The following SLC25A41 variants were observed in gnomAD, a reference collection of about 807,000 sequenced individuals.
SLC25A41 encodes the protein solute carrier family 25 member 41.
Under a neutral mutation model 34.7 loss-of-function variants are expected in SLC25A41, and 35 were observed. That is an observed-to-expected ratio of 1.01 (90% confidence interval 0.77 to 1.34). SLC25A41 has a LOEUF of 1.34. SLC25A41 is among the 40% of genes most tolerant of loss of function. The pLI is 0.00. For missense variants in SLC25A41, 492 were observed against 489.8 expected (o/e 1.00, Z -0.04); for synonymous variants, 190 against 209.9 (o/e 0.91, Z 0.82).
chr19:6,432,184 C>T lies in SLC25A41; in HGVS notation c.228G>A (p.Gln76=). 6.2e-7 allele frequency: 1 copy of T among 1,613,810 alleles called. No homozygotes were observed. Among genetic ancestry groups the T allele is most frequent in the Non-Finnish European group, 8.5e-7 (1 of 1,179,768 alleles). Residue 76 remains glutamine (Q), a synonymous_variant, in exon 2 of 7, where the codon CAG becomes CAA. Coordinates refer to ENST00000321510, the MANE Select transcript of SLC25A41 (RefSeq NM_173637.4). ...PSQQVLDTGE[Q]LMVPVEVLEV... ...CCAGGACTTCCACGGGGACCATCAG[C>T]TGCTCTCCTGTGTCCAGTACCTGCA...
chr19:6,430,546 CG>C (rs1380114027), intron 2 of SLC25A41: 2 of 377,642 alleles, frequency 5.3e-6, no homozygotes, highest in Non-Finnish European at 1.0e-5. Context: ...GGAGTGCGGT[CG>C]GGGGATCTCG....
At chr19:6,431,747 C>T (rs1187505414) in intron 2 of SLC25A41, among the ~76,000 whole-genome samples, 2 of 152,188 alleles carry the variant, frequency 1.3e-5, no homozygotes, top group East Asian at 1.9e-4. Flanking sequence ...CTGGCCCCTA[C>T]CTTGTCTTTA....
In SLC25A41 at chr19:6,426,458, C is replaced by A. The variant is rs1224724120; in HGVS notation, c.1044G>T (p.Leu348=). The A allele has an allele frequency of 6.2e-7, 1 of 1,613,718 alleles. No homozygotes were observed. Among genetic ancestry groups the A allele is most frequent in the East Asian group, 2.2e-5 (1 of 44,898 alleles). The change falls in exon 7 of 7, where the codon CTG becomes CTT. Residue 348 remains leucine, a synonymous_variant. Coordinates refer to ENST00000321510, the MANE Select transcript of SLC25A41 (RefSeq NM_173637.4). The stretch of plus-strand genomic sequence containing the variant: ...TGATGCCACCTGCTGGTAAGACCTT[C>A]AGTAGCGTGGGGGTCATGCCTCGGT... The part of the protein sequence containing the change: ...GLYRGMTPTL[L]KVLPAGGISY...
At chr19:6,431,001 AGATG>A (rs2092283378) in intron 2 of SLC25A41, among the ~76,000 whole-genome samples, 1 of 151,610 alleles carries the variant, frequency 6.6e-6, no homozygotes, top group Non-Finnish European at 1.5e-5. Context: ...TTTTTTGTAT[AGATG>A]GGGTCTTACT....
intron 2 of SLC25A41, among the ~76,000 whole-genome samples, chr19:6,431,351 C>A (rs896287114): frequency 6.6e-6 from 1 of 151,988 alleles, no homozygotes; most frequent in African/African-American, 2.4e-5. Flanking sequence ...TGGGCTCAAG[C>A]AATCCTCCTG....
At chr19:6,434,073 A>G (rs564762616), upstream of SLC25A41, among the ~76,000 whole-genome samples, 1 of 152,226 alleles carries the variant, frequency 6.6e-6, no homozygotes, top group East Asian at 1.9e-4. Context: ...CCTCCCGAGT[A>G]GCTGGGACTA....
At chr19:6,429,190 T>C (rs1481820721) in intron 4 of SLC25A41, among the ~76,000 whole-genome samples, 1 of 81,476 alleles carries the variant, frequency 1.2e-5, no homozygotes, top group East Asian at 3.5e-4. Context: ...ATATATGTTA[T>C]ATATATAATA....
intron 4 of SLC25A41, among the ~76,000 whole-genome samples, chr19:6,428,664 AATAAGTAAGGTAT>A (rs1380986245): frequency 6.8e-6 from 1 of 146,330 alleles, no homozygotes; most frequent in African/African-American, 2.5e-5. Flanking sequence ...ATATTTACAT[AATAAGTAAGGTAT>A]ATAATATATG....
intron 1 of SLC25A41, 26 bp from the exon 2 acceptor site, chr19:6,432,230 C>A: frequency 6.2e-7 from 1 of 1,604,030 alleles, no homozygotes; most frequent in South Asian, 1.1e-5. Flanking sequence ...GGCCCTCCCT[C>A]ATCCTCAGCC....
chr19:6,433,422 G>A (rs1393289572), intron 1 of SLC25A41, 65 bp downstream of exon 1: 1 of 1,515,666 alleles, frequency 6.6e-7, no homozygotes. Flanking sequence ...GAGGGCGTGG[G>A]TAGCCTGGCC....
At chr19:6,430,218 C>G in intron 2 of SLC25A41, 57 bp from the exon 3 acceptor site, 2 of 1,529,234 alleles carry the variant, frequency 1.3e-6, no homozygotes, top group Non-Finnish European at 1.8e-6. Flanking sequence ...CCGTCCCCAT[C>G]CCTGCCCCAA....
chr19:6,429,023 T>TTATATATATATATATATATATATATATA (rs1188926856), intron 4 of SLC25A41, among the ~76,000 whole-genome samples: 1 of 51,866 alleles, frequency 1.9e-5, no homozygotes, highest in Admixed American at 3.9e-4. Context: ...GCCTGAAAAT[T>TTATATATATATATATATATATATATATA]TATATATATA....
Position 6,427,110 on chromosome 19 carries a change from C to T in SLC25A41, c.933G>A (p.Gln311=). 3 of 1,602,010 alleles carry T rather than the reference C, an allele frequency of 1.9e-6. No homozygotes were observed. The highest frequency in any genetic ancestry group is 4.5e-5 in the East Asian group (2 of 44,308). The change falls in exon 6 of 7, where the codon CAG becomes CAA. Residue 311 remains glutamine (Q), a synonymous_variant. Transcript: ENST00000321510. The surrounding 1 kb of genome is among the most constrained non-coding windows in gnomAD (Gnocchi z 4.9). ...CGCTGGGGACAGGCTGACCTTGGGC[C>T]TGCATCCTGGTGCGCACCAGAGTCA... is the stretch of plus-strand genomic sequence containing the variant. ...YPLTLVRTRM[Q]AQDTVEGSNP... is the part of the protein sequence containing the mutation.
chr19:6,433,475 TC>T lies in SLC25A41; in HGVS notation c.207+11del. Reference sequence around the variant, plus strand: ...CCAGAGGTGCCGGGACACTGGTGTTTCCTAAACTCACCTGCTGTGACGGGAG... The same window carrying T: ...CCAGAGGTGCCGGGACACTGGTGTTTCTAAACTCACCTGCTGTGACGGGAG... On this transcript the variant is annotated intron_variant, in intron 1 of 6. Transcript: ENST00000321510. 1.2e-6 allele frequency: 2 copies of T among 1,611,850 alleles called. No homozygotes were observed. The highest frequency in any genetic ancestry group is 2.2e-5 in the South Asian group (2 of 91,004).
intron 1 of SLC25A41, 133 bp downstream of exon 1, chr19:6,433,354 T>C (rs2092294194): frequency 1.1e-6 from 1 of 899,874 alleles, no homozygotes; most frequent in Non-Finnish European, 1.8e-6. Context: ...CCTGCCTCCC[T>C]GCCCCACCCT....
upstream of SLC25A41, chr19:6,436,185 A>G (rs1141220): frequency 0.51 from 135,749 of 264,246 alleles, 36,625 homozygotes; most frequent in East Asian, 0.7. Context: ...TCTCACCCAT[A>G]TTCTGAGCAT....
upstream of SLC25A41, among the ~76,000 whole-genome samples, chr19:6,434,105 A>G (rs376807051): frequency 0.011 from 1,643 of 152,114 alleles, 21 homozygotes; most frequent in South Asian, 0.038. Flanking sequence ...CACCACGCCC[A>G]GCTAATTTTT....
At chr19:6,431,679 T>C (rs1340333663) in intron 2 of SLC25A41, among the ~76,000 whole-genome samples, 1 of 151,868 alleles carries the variant, frequency 6.6e-6, no homozygotes, top group Non-Finnish European at 1.5e-5. Context: ...TGACCCCAGA[T>C]GATCTACCTC....
At position 6,426,564 on chromosome 19, in the gene SLC25A41, G is replaced by T; in HGVS notation, c.941-3C>A. The T allele has an allele frequency of 1.9e-6, 3 of 1,611,826 alleles. No individual in the cohort carries two copies. The highest frequency in any genetic ancestry group is 2.5e-6 in the Non-Finnish European group (3 of 1,179,152). On this transcript the variant is annotated splice_polypyrimidine_tract_variant and splice_region_variant and intron_variant, in intron 6 of 6. Coordinates refer to ENST00000321510, the MANE Select transcript of SLC25A41 (RefSeq NM_173637.4). ...GGGATTTGAGCCCTCCACGGTATCT[G>T]CAGGGACACAGGCAAGATCAGGACT...
Sources: allele counts gnomAD v4.1 joint callset (sites outside exome capture counted in the v4.1 genomes callset), GRCh38; gene constraint gnomAD v4.1.1; non-coding constraint Gnocchi (gnomAD v3.1); transcripts MANE v1.5; gene names NCBI Gene and HGNC (gene_info 2026-07-23, HGNC 2026-07-21).